The following RBPJ variants were observed in gnomAD, a reference collection of about 807,000 sequenced individuals.
RBPJ encodes recombination signal binding protein for immunoglobulin kappa J region, also known as recombining binding protein suppressor of hairless.
RBPJ carries 9 observed loss-of-function variants against 67.8 expected under a neutral mutation model. The ratio of observed to expected loss-of-function variants is 0.13; its 90% CI spans 0.08 to 0.23. The LOEUF is 0.23. RBPJ is among the 10% of genes least tolerant of loss of function. The pLI, the probability that RBPJ is intolerant of heterozygous loss-of-function variation, is 1.00. For missense variants in RBPJ, 305 were observed against 595.6 expected (o/e 0.51, Z 5.08); for synonymous variants, 198 against 203.3 (o/e 0.97, Z 0.22).
At chr4:26,340,297 T>C (rs1319270087) in intron 1 of RBPJ, among the ~76,000 whole-genome samples, 1 of 152,046 alleles carries the variant, frequency 6.6e-6, no homozygotes, top group Non-Finnish European at 1.5e-5. Context: ...AGAACAGCAT[T>C]CCACACAAAA....
upstream of RBPJ, among the ~76,000 whole-genome samples, chr4:26,159,924 T>TCTC (rs763216439): frequency 4.6e-5 from 6 of 129,204 alleles, no homozygotes; most frequent in African/African-American, 1.1e-4. Flanking sequence ...TCTCTCTCTC[T>TCTC]TTTTTTTTTT....
At chr4:26,391,649 C>T (rs1731515475) in intron 2 of RBPJ, among the ~76,000 whole-genome samples, 1 of 152,008 alleles carries the variant, frequency 6.6e-6, no homozygotes, top group South Asian at 2.1e-4. Context: ...ATAAATTTTA[C>T]TTCATCAAAA....
the RBPJ span, among the ~76,000 whole-genome samples, chr4:26,134,699 CT>C: frequency 6.6e-6 from 1 of 152,144 alleles, no homozygotes; most frequent in South Asian, 2.1e-4. Context: ...GGAAGCTACC[CT>C]TTGAGGAGCT....
chr4:26,415,736 A>G, intron 4 of RBPJ, 96 bp downstream of exon 4: 2 of 1,156,828 alleles, frequency 1.7e-6, no homozygotes, highest in Non-Finnish European at 2.4e-6. Flanking sequence ...TTTCTTTAAT[A>G]ACTATTGGTA....
intron 1 of RBPJ, among the ~76,000 whole-genome samples, chr4:26,350,700 A>G (rs909965956): frequency 7.9e-5 from 12 of 152,238 alleles, no homozygotes; most frequent in African/African-American, 2.9e-4. Context: ...AAAGACCTGT[A>G]GGCAGAGTAT....
intron 1 of RBPJ, among the ~76,000 whole-genome samples, chr4:26,221,837 C>T (rs1403319394): frequency 6.6e-6 from 1 of 152,126 alleles, no homozygotes; most frequent in East Asian, 1.9e-4. Context: ...AAGATAAATA[C>T]TTAAGGCTGG....
chr4:26,408,064 G>A (rs988792590), intron 3 of RBPJ, among the ~76,000 whole-genome samples: 21 of 151,598 alleles, frequency 1.4e-4, no homozygotes, highest in Non-Finnish European at 2.2e-4. Flanking sequence ...TTATAGAGAC[G>A]GGGTTTCACT....
At chr4:26,288,470 G>A (rs1323455326) in intron 1 of RBPJ, among the ~76,000 whole-genome samples, 1 of 152,184 alleles carries the variant, frequency 6.6e-6, no homozygotes, top group African/African-American at 2.4e-5. Context: ...GAGCAAGGAG[G>A]AAGCCACAAT....
intron 1 of RBPJ, among the ~76,000 whole-genome samples, chr4:26,385,667 T>C (rs190211333): frequency 6.6e-6 from 1 of 152,338 alleles, no homozygotes; most frequent in Non-Finnish European, 1.5e-5. Context: ...GGAAGTCTCA[T>C]CTCTGCCTAA....
intron 1 of RBPJ, among the ~76,000 whole-genome samples, chr4:26,275,925 C>T (rs1276813113): frequency 6.6e-6 from 1 of 151,572 alleles, no homozygotes; most frequent in Admixed American, 6.6e-5. Context: ...CGCAACCGGC[C>T]CAAATCATAG....
intron 1 of RBPJ, among the ~76,000 whole-genome samples, chr4:26,346,229 A>G (rs1014716582): frequency 1.3e-5 from 2 of 152,226 alleles, no homozygotes; most frequent in African/African-American, 4.8e-5. Flanking sequence ...AGAAAGAGAA[A>G]GGAAAACAGC....
chr4:26,196,441 G>C (rs767333095), intron 1 of RBPJ, among the ~76,000 whole-genome samples: 6 of 152,204 alleles, frequency 3.9e-5, no homozygotes, highest in African/African-American at 1.4e-4. Context: ...GAAAGGAGGA[G>C]CAGGTGTGAC....
chr4:26,117,423 C>T, the RBPJ span, among the ~76,000 whole-genome samples: 2 of 152,092 alleles, frequency 1.3e-5, no homozygotes, highest in Non-Finnish European at 2.9e-5. Flanking sequence ...AAACCAAGAC[C>T]CTCCACATGT....
At chr4:26,262,709 A>AGAC (rs1720578443) in intron 1 of RBPJ, among the ~76,000 whole-genome samples, 1 of 152,190 alleles carries the variant, frequency 6.6e-6, no homozygotes, top group Non-Finnish European at 1.5e-5. Context: ...ATGACTCCCA[A>AGAC]GACTCTATCT....
the RBPJ span, among the ~76,000 whole-genome samples, chr4:26,131,383 A>ACCC: frequency 1.3e-5 from 2 of 152,168 alleles, no homozygotes; most frequent in Admixed American, 1.3e-4. Flanking sequence ...AATATCAAGT[A>ACCC]TTACGTGGTG....
At chr4:26,335,255 C>G (rs939663575) in intron 1 of RBPJ, among the ~76,000 whole-genome samples, 19 of 152,064 alleles carry the variant, frequency 1.2e-4, no homozygotes, top group African/African-American at 4.6e-4. Flanking sequence ...GATCTCGGCT[C>G]ACTGGAACCT....
At chr4:26,300,454 A>T (rs1019174947) in intron 1 of RBPJ, among the ~76,000 whole-genome samples, 1 of 152,226 alleles carries the variant, frequency 6.6e-6, no homozygotes, top group African/African-American at 2.4e-5. Context: ...CAAACTTAAA[A>T]TTGTAAATGT....
chr4:26,348,066 A>G (rs1726365199), intron 1 of RBPJ, among the ~76,000 whole-genome samples: 1 of 150,606 alleles, frequency 6.6e-6, no homozygotes, highest in Non-Finnish European at 1.5e-5. Context: ...GGTTCAAGTG[A>G]TTCTCCTGCC....
chr4:26,171,035 G>C (rs1041485523), intron 1 of RBPJ, among the ~76,000 whole-genome samples: 2 of 152,196 alleles, frequency 1.3e-5, no homozygotes, highest in Non-Finnish European at 1.5e-5. Flanking sequence ...ATTAATACGT[G>C]ATCTTGTGGC....
Sources: allele counts gnomAD v4.1 joint callset (sites outside exome capture counted in the v4.1 genomes callset), GRCh38; gene constraint gnomAD v4.1.1; transcripts MANE v1.5; gene names NCBI Gene and HGNC (gene_info 2026-07-23, HGNC 2026-07-21).